The following ALLC variants were observed in gnomAD, a reference collection of about 807,000 sequenced individuals.
ALLC encodes probable inactive allantoicase.
In ALLC, 40 loss-of-function variants were observed where a neutral mutation model predicts 45.0. That is an observed-to-expected ratio of 0.89 (90% CI 0.69 to 1.16). The LOEUF (loss-of-function observed/expected upper bound fraction) is 1.16, where lower values mean the gene tolerates loss of function less well. Among genes scored for constraint, ALLC ranks in the 50% most tolerant of loss-of-function variants. ALLC has a pLI of 0.00. For missense variants in ALLC, 488 were observed against 493.1 expected (o/e 0.99, Z 0.10); for synonymous variants, 176 against 178.1 (o/e 0.99, Z 0.09).
At chr2:3,663,664 G>A (rs1666629031) in intron 1 of ALLC, among the ~76,000 whole-genome samples, 1 of 152,012 alleles carries the variant, frequency 6.6e-6, no homozygotes, top group Non-Finnish European at 1.5e-5. Context: ...CCAAATAGAT[G>A]GTTTTGCAGT....
rs375518064 is a variant in ALLC at position 3,670,613 on chromosome 2, C to T, written c.-62-483C>T. On this transcript the variant is annotated intron_variant, in intron 1 of 11. Coordinates refer to ENST00000252505, the MANE Select transcript of ALLC (RefSeq NM_018436.4). ...TGGCTCCAGAGCGTGGCCTGGCCTG[C>T]GCGTCAGTGGACGTCTGTTCCCGTG... Among the ~76,000 whole-genome samples the T allele has an allele frequency of 7.8e-4, 118 of 152,256 alleles. 2 individuals carry two copies. Among genetic ancestry groups the T allele is most frequent in the African/African-American group, 2.7e-3 (114 of 41,534 alleles).
the ALLC span, among the ~76,000 whole-genome samples, chr2:3,648,963 A>C: frequency 6.6e-6 from 1 of 152,148 alleles, no homozygotes; most frequent in African/African-American, 2.4e-5. Context: ...GTGGCAGAGT[A>C]CTGGGTGTTG....
At chr2:3,651,001 A>G in the ALLC span, among the ~76,000 whole-genome samples, 1 of 152,154 alleles carries the variant, frequency 6.6e-6, no homozygotes, top group Non-Finnish European at 1.5e-5. Context: ...TCTGATCTGC[A>G]AAGTAGGAGG....
chr2:3,689,102 G>A lies in ALLC; in HGVS notation c.511+6028G>A, dbSNP rs913686197. 2.7e-5 allele frequency: 4 copies of A among 150,568 alleles called. 1 individual carries two copies. Among genetic ancestry groups the A allele is most frequent in the Non-Finnish European group, 5.9e-5 (4 of 67,462 alleles). The allele number at this position is 150,568 out of a possible 1,614,324, so 9.3% of individuals were successfully genotyped here. On this transcript the variant is annotated intron_variant, in intron 7 of 11. Coordinates refer to ENST00000252505, the MANE Select transcript of ALLC (RefSeq NM_018436.4). ...TATCCTTCTCTATTTCTGATTTTTTGGGGTCTTTTCTCTTTGTAATTAGTC... is the reference window on the plus strand; with the variant it reads ...TATCCTTCTCTATTTCTGATTTTTTAGGGTCTTTTCTCTTTGTAATTAGTC...
chr2:3,666,234 C>G (rs1234589477), intron 1 of ALLC, among the ~76,000 whole-genome samples: 1 of 152,232 alleles, frequency 6.6e-6, no homozygotes, highest in African/African-American at 2.4e-5. Flanking sequence ...GGCAAAATGC[C>G]TGAGCGCTCT....
At chr2:3,663,089 A>T (rs1366058320) in intron 1 of ALLC, among the ~76,000 whole-genome samples, 1 of 152,192 alleles carries the variant, frequency 6.6e-6, no homozygotes, top group African/African-American at 2.4e-5. Flanking sequence ...TACCCAAAGA[A>T]ATGTAAATCA....
rs200078976 is a variant in ALLC, at chr2:3,681,636, A to T, written c.301A>T (p.Lys101Ter). ...SIQAANLEED[K>*]LPEIPERGTR... ...CTGAATGGTCATTCCAACTACAGATAAACTACCAGAAATCCCAGAAAGAGG... is the reference window on the plus strand; with the variant it reads ...CTGAATGGTCATTCCAACTACAGATTAACTACCAGAAATCCCAGAAAGAGG... The change falls in exon 6 of 12, where the codon AAA becomes TAA. Residue 101 changes from lysine to a stop codon, truncating the protein, a stop_gained and splice_region_variant. Transcript: ENST00000252505. LOFTEE classifies it high-confidence loss of function. The T allele has an allele frequency of 5.1e-5, 82 of 1,608,092 alleles. No homozygotes were observed. In the African/African-American group the frequency reaches 7.5e-4, roughly 15 times the overall value.
At chr2:3,679,757 T>C in intron 4 of ALLC, 112 bp from the exon 5 acceptor site, 1 of 1,456,310 alleles carries the variant, frequency 6.9e-7, no homozygotes, top group Non-Finnish European at 9.5e-7. Context: ...TTTTCTGTGA[T>C]GGACGGAATG....
chr2:3,675,139 C>T lies in ALLC; in HGVS notation c.84+1014C>T, dbSNP rs545442835. 1.7e-4 allele frequency among the ~76,000 whole-genome samples: 26 copies of T among 152,256 alleles called. No individual in the cohort carries two copies. In the South Asian group the frequency reaches 2.9e-3, roughly 17 times the overall value. ...TGGCACTGTGGCTCACACCTGTAATCCCAGCACTTTGGGAAGCCAAGGCAG... is the reference window on the plus strand; with the variant it reads ...TGGCACTGTGGCTCACACCTGTAATTCCAGCACTTTGGGAAGCCAAGGCAG... On this transcript the variant is annotated intron_variant, in intron 3 of 11. Coordinates refer to ENST00000252505, the MANE Select transcript of ALLC (RefSeq NM_018436.4).
chr2:3,682,301 C>G (rs1321855727), intron 6 of ALLC, among the ~76,000 whole-genome samples: 1 of 152,094 alleles, frequency 6.6e-6, no homozygotes, highest in Non-Finnish European at 1.5e-5. Flanking sequence ...TGGCAGTAGC[C>G]TTGGTTTTTA....
chr2:3,671,778 G>A (rs1406680471), intron 2 of ALLC, among the ~76,000 whole-genome samples: 2 of 144,524 alleles, frequency 1.4e-5, no homozygotes, highest in East Asian at 4.0e-4. Flanking sequence ...TCTGGCTCTG[G>A]TTAGATGGGA....
At chr2:3,654,662 C>T (rs1393506586), upstream of ALLC, among the ~76,000 whole-genome samples, 1 of 152,248 alleles carries the variant, frequency 6.6e-6, no homozygotes, top group Admixed American at 6.5e-5. Flanking sequence ...ATGACACAGT[C>T]AGTGCGTGTG....
chr2:3,679,786 G>A (rs1667124620), intron 4 of ALLC, 83 bp from the exon 5 acceptor site: 1 of 1,573,574 alleles, frequency 6.4e-7, no homozygotes, highest in Non-Finnish European at 8.7e-7. Context: ...TGTGGGTCAG[G>A]TGCATGTGGG....
upstream of ALLC, among the ~76,000 whole-genome samples, chr2:3,654,010 A>G (rs899071995): frequency 3.9e-5 from 6 of 152,190 alleles, no homozygotes; most frequent in African/African-American, 1.4e-4. Flanking sequence ...TTCTGTCTCA[A>G]GGAGTCTCAA....
intron 3 of ALLC, among the ~76,000 whole-genome samples, chr2:3,675,089 T>C (rs1395631658): frequency 1.3e-5 from 2 of 152,170 alleles, no homozygotes; most frequent in African/African-American, 4.8e-5. Context: ...TGGACTATTA[T>C]GTGGCTACTA....
chr2:3,649,420 T>G, the ALLC span, among the ~76,000 whole-genome samples: 1 of 152,114 alleles, frequency 6.6e-6, no homozygotes, highest in African/African-American at 2.4e-5. Context: ...TTTTTGTATT[T>G]TTAGTAGAGA....
upstream of ALLC, among the ~76,000 whole-genome samples, chr2:3,655,903 G>T (rs1338689277): frequency 6.6e-6 from 1 of 152,170 alleles, no homozygotes; most frequent in Non-Finnish European, 1.5e-5. Context: ...GCCCCTAAGC[G>T]CTGCCCTGTG....
At chr2:3,687,910 G>A (rs1398187867) in intron 7 of ALLC, 2 of 151,016 alleles carry the variant, frequency 1.3e-5, no homozygotes, top group Non-Finnish European at 3.0e-5. Context: ...GGGAGAGTGA[G>A]TGTGGCAGGG....
chr2:3,651,320 G>GTT, the ALLC span, among the ~76,000 whole-genome samples: 1 of 49,150 alleles, frequency 2.0e-5, no homozygotes, highest in Non-Finnish European at 4.2e-5. Context: ...GGGTGGGGGG[G>GTT]GTGTGTGTGT....
Sources: gnomAD v4.1 joint callset for allele counts (sites outside exome capture counted in the v4.1 genomes callset) on GRCh38, gnomAD v4.1.1 for gene constraint, MANE v1.5 for transcripts, NCBI Gene and HGNC (gene_info 2026-07-23, HGNC 2026-07-21) for gene names.